The following CNIH3 variants were observed in gnomAD, a reference collection of about 807,000 sequenced individuals.
CNIH3 encodes the protein protein cornichon homolog 3.
Under a neutral mutation model 24.1 loss-of-function variants are expected in CNIH3, and 14 were observed. The ratio of observed to expected loss-of-function variants is 0.58; its 90% confidence interval spans 0.38 to 0.91. The LOEUF is 0.91. Ranked by LOEUF, CNIH3 falls within the 40% of genes least tolerant of loss-of-function variation. The pLI is 0.00. For missense variants in CNIH3, 178 were observed against 196.8 expected (o/e 0.90, Z 0.57); for synonymous variants, 68 against 73.8 (o/e 0.92, Z 0.40).
At chr1:224,549,945 CT>C (rs147069632) in intron 3 of CNIH3, among the ~76,000 whole-genome samples, 2,092 of 152,214 alleles carry the variant, frequency 0.014, 53 homozygotes, top group African/African-American at 0.048. Context: ...TGTGTAAACA[CT>C]GTATGTAACC....
intron 2 of CNIH3, among the ~76,000 whole-genome samples, chr1:224,535,357 A>G (rs791393): frequency 0.31 from 47,085 of 151,980 alleles, 10,079 homozygotes; most frequent in African/African-American, 0.61. Flanking sequence ...GGTTTTAGAG[A>G]AAGCAGGACC....
chr1:224,572,547 C>G (rs1264553236), intron 4 of CNIH3, among the ~76,000 whole-genome samples: 1 of 149,998 alleles, frequency 6.7e-6, no homozygotes, highest in African/African-American at 2.4e-5. Flanking sequence ...ATTCACTACA[C>G]CCCTGATCTA....
intron 1 of CNIH3, among the ~76,000 whole-genome samples, chr1:224,444,401 G>A (rs948381939): frequency 8.6e-5 from 13 of 151,820 alleles, no homozygotes; most frequent in Non-Finnish European, 1.2e-4. Flanking sequence ...ACAGAGTCTC[G>A]CTCTGTTGCC....
At chr1:224,457,017 T>G (rs1273106416) in intron 1 of CNIH3, among the ~76,000 whole-genome samples, 1 of 152,156 alleles carries the variant, frequency 6.6e-6, no homozygotes, top group Admixed American at 6.5e-5. Context: ...AAGGGTGGTG[T>G]AACTGCCCCT....
chr1:224,606,718 C>T (rs1003717374), intron 3 of CNIH3, among the ~76,000 whole-genome samples: 15 of 152,168 alleles, frequency 9.9e-5, no homozygotes, highest in Non-Finnish European at 2.9e-5. Context: ...ATTTCCCTTC[C>T]TCCTATCCAT....
chr1:224,465,884 C>G (rs1222308819), intron 1 of CNIH3, among the ~76,000 whole-genome samples: 1 of 152,044 alleles, frequency 6.6e-6, no homozygotes, highest in African/African-American at 2.4e-5. Context: ...AAAAATGAGC[C>G]GGGCATGGTG....
At chr1:224,536,701 T>C (rs763673283) in intron 2 of CNIH3, among the ~76,000 whole-genome samples, 11 of 152,074 alleles carry the variant, frequency 7.2e-5, no homozygotes, top group South Asian at 2.1e-4. Flanking sequence ...TAGACAATAG[T>C]GGTCTTGTTA....
chr1:224,540,435 TA>T (rs1679469798), downstream of CNIH3, among the ~76,000 whole-genome samples: 1 of 152,236 alleles, frequency 6.6e-6, no homozygotes, highest in Non-Finnish European at 1.5e-5. Flanking sequence ...GGGACATTTT[TA>T]GACTCTCCAA....
rs6688048 is a variant in CNIH3 at position 224,546,688 on chromosome 1, C to T, written n.340-141C>T. 149 of 155,290 alleles carry T rather than the reference C, an allele frequency of 9.6e-4. 1 individual carries two copies. The highest frequency in any genetic ancestry group is 3.5e-3 in the African/African-American group (146 of 41,596). 9.6% of individuals were successfully genotyped at this position (155,290 alleles called of 1,614,324 possible). ...TAAAATACCCTTATCCAACCCACTG[C>T]TCCAGGAAGCACCTATTTTTCATGC... is the stretch of plus-strand genomic sequence containing the variant. On this transcript the variant is annotated intron_variant and non_coding_transcript_variant, in intron 2 of 5. Coordinates refer to the CNIH3 transcript ENST00000471578.
intron 3 of CNIH3, among the ~76,000 whole-genome samples, chr1:224,723,414 A>G (rs753720): frequency 0.31 from 47,122 of 152,142 alleles, 7,588 homozygotes; most frequent in Middle Eastern, 0.36. Flanking sequence ...CCAAGAAGCA[A>G]CAGGAACATC....
chr1:224,533,701 A>G (rs560009397), intron 2 of CNIH3, among the ~76,000 whole-genome samples: 2 of 152,056 alleles, frequency 1.3e-5, no homozygotes, highest in Non-Finnish European at 2.9e-5. Flanking sequence ...CTCTCCCTGC[A>G]TGTCTGTCCC....
Position 224,452,649 on chromosome 1 carries a change from A to G in CNIH3, n.203+17787A>G, listed in dbSNP as rs536834519. Among the ~76,000 whole-genome samples, 524 of 150,934 alleles carry G rather than the reference A, an allele frequency of 3.5e-3. 3 individuals are homozygous for G. The highest frequency in any genetic ancestry group is 5.9e-3 in the Admixed American group (89 of 15,174). On this transcript the variant is annotated intron_variant and non_coding_transcript_variant, in intron 1 of 5. Coordinates refer to the CNIH3 transcript ENST00000471578. ...ACAAAAACATTAGCCAGGTGTGGTG[A>G]TGGGCACCTGTAGTCCCAGCTACTC...
chr1:224,493,584 G>C (rs1677320030), intron 1 of CNIH3, among the ~76,000 whole-genome samples: 1 of 152,176 alleles, frequency 6.6e-6, no homozygotes, highest in Admixed American at 6.5e-5. Flanking sequence ...AAAGCACAAA[G>C]TTGAGACGTC....
At chr1:224,532,767 G>T (rs1679124941) in intron 2 of CNIH3, among the ~76,000 whole-genome samples, 1 of 152,180 alleles carries the variant, frequency 6.6e-6, no homozygotes, top group Non-Finnish European at 1.5e-5. Context: ...TCACCAATTT[G>T]TATCTACTAA....
intron 3 of CNIH3, among the ~76,000 whole-genome samples, chr1:224,685,349 CAG>C (rs903787225): frequency 6.6e-6 from 1 of 152,196 alleles, no homozygotes; most frequent in African/African-American, 2.4e-5. Flanking sequence ...TCACGTCATT[CAG>C]AGAGTTGCTC....
chr1:224,638,711 G>A (rs952542212), intron 1 of CNIH3, among the ~76,000 whole-genome samples: 1 of 152,192 alleles, frequency 6.6e-6, no homozygotes, highest in Non-Finnish European at 1.5e-5. Context: ...GCATTAGGAA[G>A]CTTCAGGAAG....
intron 3 of CNIH3, among the ~76,000 whole-genome samples, chr1:224,689,524 C>T (rs1488370216): frequency 6.6e-6 from 1 of 152,212 alleles, no homozygotes; most frequent in African/African-American, 2.4e-5. Context: ...CCTCCCGTCT[C>T]TCTCGTTTTG....
intron 1 of CNIH3, among the ~76,000 whole-genome samples, chr1:224,662,822 G>T (rs1685426655): frequency 6.6e-6 from 1 of 152,162 alleles, no homozygotes; most frequent in Non-Finnish European, 1.5e-5. Context: ...AAACTCACCA[G>T]TTTATGAACA....
chr1:224,509,321 A>C lies in CNIH3; in HGVS notation n.204-6420A>C, dbSNP rs145104252. ...CCTGGGTGAGAGAGTGAAACCCTGA[A>C]GATAGAAAGACGAAAGGAAAGAAGA... On this transcript the variant is annotated intron_variant and non_coding_transcript_variant, in intron 1 of 5. Coordinates refer to the CNIH3 transcript ENST00000471578. 8.6e-3 allele frequency among the ~76,000 whole-genome samples: 1,304 copies of C among 152,220 alleles called. 17 individuals carry two copies. The highest frequency in any genetic ancestry group is 0.029 in the African/African-American group (1,219 of 41,524).
Sources: gnomAD v4.1 joint callset for allele counts (sites outside exome capture counted in the v4.1 genomes callset) on GRCh38, gnomAD v4.1.1 for gene constraint, MANE v1.5 for transcripts, NCBI Gene and HGNC (gene_info 2026-07-23, HGNC 2026-07-21) for gene names.